NFIL3: variants seen among roughly 807,000 people sequenced by gnomAD.
NFIL3 encodes the protein nuclear factor interleukin-3-regulated protein.
In NFIL3, 5 loss-of-function variants were observed where a neutral mutation model predicts 10.0. The ratio of observed to expected loss-of-function variants is 0.50; its 90% confidence interval spans 0.26 to 1.06. The LOEUF (loss-of-function observed/expected upper bound fraction) is 1.06. NFIL3 is among the 50% of genes least tolerant of loss of function. NFIL3 has a pLI of 0.13. For missense variants in NFIL3, 436 were observed against 547.6 expected (o/e 0.80, Z 2.03); for synonymous variants, 202 against 206.5 (o/e 0.98, Z 0.19).
At chr9:91,431,917 T>C in the NFIL3 span, among the ~76,000 whole-genome samples, 1 of 152,204 alleles carries the variant, frequency 6.6e-6, no homozygotes, top group Non-Finnish European at 1.5e-5. Flanking sequence ...CCCAAGCCTC[T>C]CTTGCTTGCT....
At chr9:91,443,666 C>G in the NFIL3 span, among the ~76,000 whole-genome samples, 6 of 152,226 alleles carry the variant, frequency 3.9e-5, no homozygotes, top group African/African-American at 9.6e-5. Context: ...ACTTCCAAGC[C>G]TGCAGGGACA....
the NFIL3 span, among the ~76,000 whole-genome samples, chr9:91,481,702 T>C: frequency 6.6e-6 from 1 of 152,222 alleles, no homozygotes; most frequent in East Asian, 1.9e-4. Flanking sequence ...TATTTTAAAA[T>C]ATTATGGCAA....
At chr9:91,428,387 C>T (rs576078551), upstream of NFIL3, among the ~76,000 whole-genome samples, 16 of 152,146 alleles carry the variant, frequency 1.1e-4, no homozygotes, top group Non-Finnish European at 2.2e-4. Context: ...ACAACCTAGA[C>T]GTTATAGTTT....
chr9:91,440,255 A>G, the NFIL3 span, among the ~76,000 whole-genome samples: 1 of 152,072 alleles, frequency 6.6e-6, no homozygotes, highest in African/African-American at 2.4e-5. Flanking sequence ...TTACTTTTCT[A>G]GGAGTTAATC....
At chr9:91,463,345 C>A in the NFIL3 span, among the ~76,000 whole-genome samples, 1 of 151,636 alleles carries the variant, frequency 6.6e-6, no homozygotes, top group Non-Finnish European at 1.5e-5. Context: ...TTCCTTCTAA[C>A]TTCTACTTTT....
intron 1 of NFIL3, among the ~76,000 whole-genome samples, chr9:91,420,081 G>T (rs2482704): frequency 0.52 from 78,470 of 151,844 alleles, 21,749 homozygotes; most frequent in African/African-American, 0.73. Flanking sequence ...CAATTGTCAC[G>T]TCATTCCTGC....
At chr9:91,418,390 C>T (rs922950664) in intron 1 of NFIL3, among the ~76,000 whole-genome samples, 1 of 152,154 alleles carries the variant, frequency 6.6e-6, no homozygotes, top group African/African-American at 2.4e-5. Flanking sequence ...AGAAAATTCC[C>T]CAATGAATAA....
chr9:91,465,406 T>C, the NFIL3 span, among the ~76,000 whole-genome samples: 1 of 152,166 alleles, frequency 6.6e-6, no homozygotes, highest in Non-Finnish European at 1.5e-5. Flanking sequence ...ATTCTTCATT[T>C]CTGCCACAGT....
At chr9:91,413,536 C>A (rs1833596040) in intron 1 of NFIL3, among the ~76,000 whole-genome samples, 1 of 152,196 alleles carries the variant, frequency 6.6e-6, no homozygotes, top group Admixed American at 6.5e-5. Flanking sequence ...CAGGCATGAG[C>A]CACCACGCCC....
At chr9:91,471,198 G>C in the NFIL3 span, among the ~76,000 whole-genome samples, 1 of 152,110 alleles carries the variant, frequency 6.6e-6, no homozygotes, top group Non-Finnish European at 1.5e-5. Flanking sequence ...ATGAATCTGG[G>C]TGCTCCTGTG....
chr9:91,443,776 C>A, the NFIL3 span, among the ~76,000 whole-genome samples: 1 of 152,198 alleles, frequency 6.6e-6, no homozygotes, highest in African/African-American at 2.4e-5. Context: ...TGTTACCAGC[C>A]CCCACCAGCT....
At chr9:91,465,721 T>C in the NFIL3 span, among the ~76,000 whole-genome samples, 1 of 152,072 alleles carries the variant, frequency 6.6e-6, no homozygotes, top group Non-Finnish European at 1.5e-5. Context: ...GGAACTGAGG[T>C]AAATAGGCCA....
At chr9:91,470,700 A>G in the NFIL3 span, among the ~76,000 whole-genome samples, 3 of 152,214 alleles carry the variant, frequency 2.0e-5, no homozygotes, top group Non-Finnish European at 2.9e-5. Context: ...AATGTGTCCC[A>G]GAAATTCTGG....
chr9:91,446,257 C>A, the NFIL3 span, among the ~76,000 whole-genome samples: 1 of 152,148 alleles, frequency 6.6e-6, no homozygotes, highest in African/African-American at 2.4e-5. Flanking sequence ...CCTTACTGGG[C>A]GACCAGTTGG....
intron 1 of NFIL3, among the ~76,000 whole-genome samples, chr9:91,416,123 T>G (rs775977572): frequency 2.0e-5 from 3 of 152,038 alleles, no homozygotes; most frequent in African/African-American, 4.8e-5. Context: ...AAAAGAAATA[T>G]GATAGCTGTG....
chr9:91,410,567 T>C lies in NFIL3; in HGVS notation c.168A>G (p.Lys56=). 6.2e-7 allele frequency: 1 copy of C among 1,614,230 alleles called. No individual in the cohort carries two copies. Among genetic ancestry groups the C allele is most frequent in the African/African-American group, 1.3e-5 (1 of 75,042 alleles). Residue 56 remains lysine, a synonymous_variant, in exon 2 of 2, where the codon AAA becomes AAG. Coordinates refer to ENST00000297689, the MANE Select transcript of NFIL3 (RefSeq NM_005384.3). The surrounding 1 kb of genome is among the most constrained non-coding windows in gnomAD (Gnocchi z 5.7). ...CCCGTTTCCTCCGACATGCAGAAGA[T>C]TTGTTCTTCCCCACACTTCCTTCAC... ...LLSEGSVGKN[K]SSACRRKREF...
At chr9:91,424,901 G>A (rs1833852848), upstream of NFIL3, among the ~76,000 whole-genome samples, 1 of 152,204 alleles carries the variant, frequency 6.6e-6, no homozygotes, top group Non-Finnish European at 1.5e-5. Context: ...CAAATTCCCG[G>A]GCTACGGAAG....
the NFIL3 span, among the ~76,000 whole-genome samples, chr9:91,429,957 C>G: frequency 6.6e-6 from 1 of 152,130 alleles, no homozygotes; most frequent in Non-Finnish European, 1.5e-5. Flanking sequence ...GCCTCACTTT[C>G]ACCTTTTGAC....
chr9:91,451,142 C>G, the NFIL3 span, among the ~76,000 whole-genome samples: 1 of 152,182 alleles, frequency 6.6e-6, no homozygotes, highest in Non-Finnish European at 1.5e-5. Flanking sequence ...CTTCTTTCCA[C>G]TCTTCCTTCT....
Sources: gnomAD v4.1 joint callset for allele counts (sites outside exome capture counted in the v4.1 genomes callset) on GRCh38, gnomAD v4.1.1 for gene constraint, Gnocchi (gnomAD v3.1) non-coding constraint, MANE v1.5 for transcripts, NCBI Gene and HGNC (gene_info 2026-07-23, HGNC 2026-07-21) for gene names.